The following DPP10 variants were observed in gnomAD, a reference collection of about 807,000 sequenced individuals.
DPP10 encodes the protein dipeptidyl peptidase like 10.
DPP10 carries 33 observed loss-of-function variants against 120.9 expected under a neutral mutation model. The ratio of observed to expected loss-of-function variants is 0.27; its 90% CI spans 0.21 to 0.37. The LOEUF is 0.37. Among genes scored for constraint, DPP10 ranks in the 10% least tolerant of loss-of-function variants. The probability of loss-of-function intolerance (pLI) is 1.00; values close to 1 mark genes in which losing one functional copy is unlikely to be tolerated. For synonymous variants in DPP10, 337 were observed against 326.1 expected (o/e 1.03, Z -0.36); for missense variants, 816 against 942.8 (o/e 0.87, Z 1.76).
intron 2 of DPP10, among the ~76,000 whole-genome samples, chr2:115,317,473 G>T (rs2061849876): frequency 6.6e-6 from 1 of 151,916 alleles, no homozygotes; most frequent in African/African-American, 2.4e-5. Context: ...TAGTGTTTGG[G>T]GTTATATACC....
intron 1 of DPP10, among the ~76,000 whole-genome samples, chr2:114,594,968 G>A (rs10186175): frequency 0.041 from 6,235 of 151,936 alleles, 434 homozygotes; most frequent in African/African-American, 0.14. Flanking sequence ...CTTCCTGCAT[G>A]TTCTCTCCTT....
At chr2:114,465,832 T>G (rs1051596908) in intron 1 of DPP10, among the ~76,000 whole-genome samples, 1 of 152,236 alleles carries the variant, frequency 6.6e-6, no homozygotes, top group African/African-American at 2.4e-5. Flanking sequence ...CATTTGCCAT[T>G]TCTTTGAGTT....
intron 1 of DPP10, among the ~76,000 whole-genome samples, chr2:115,085,286 T>A (rs1708598592): frequency 6.6e-6 from 1 of 152,206 alleles, no homozygotes. Flanking sequence ...TTCTTCTTTC[T>A]GTCCCACCTC....
intron 1 of DPP10, among the ~76,000 whole-genome samples, chr2:115,302,218 G>T (rs565991631): frequency 1.3e-5 from 2 of 151,654 alleles, no homozygotes; most frequent in South Asian, 4.2e-4. Context: ...TCTGCCCCCC[G>T]TCATCCACCA....
intron 19 of DPP10, among the ~76,000 whole-genome samples, chr2:115,808,685 T>A (rs1575845384): frequency 6.6e-6 from 1 of 152,312 alleles, no homozygotes; most frequent in East Asian, 1.9e-4. Context: ...CTTTTCACAG[T>A]GACATGCTTA....
At chr2:115,167,478 AC>A (rs2052977375) in intron 1 of DPP10, among the ~76,000 whole-genome samples, 1 of 151,676 alleles carries the variant, frequency 6.6e-6, no homozygotes, top group Admixed American at 6.6e-5. Flanking sequence ...TTAGTGACAT[AC>A]TCCTGTGGTC....
In DPP10 at chr2:115,280,088, T is replaced by C. The variant is rs1443034003; in HGVS notation, c.61-29151T>C. ...TAGAAGGGTAAATAGTTAACAAGAT[T>C]CTGAATTTGGACTTGTGATTTTTGA... is the stretch of plus-strand genomic sequence containing the variant. On this transcript the variant is annotated intron_variant, in intron 1 of 25. Transcript: ENST00000410059. Among the ~76,000 whole-genome samples, 3 of 152,288 alleles carry C rather than the reference T, an allele frequency of 2.0e-5. No individual in the cohort carries two copies. In the East Asian group the frequency reaches 5.8e-4, roughly 29 times the overall value.
At chr2:115,421,552 A>G (rs533029588) in intron 3 of DPP10, among the ~76,000 whole-genome samples, 118 of 152,218 alleles carry the variant, frequency 7.8e-4, no homozygotes, top group Middle Eastern at 6.8e-3. Context: ...GACTAAATGA[A>G]ATATAAATTC....
intron 1 of DPP10, among the ~76,000 whole-genome samples, chr2:115,160,941 T>C (rs1391006417): frequency 1.3e-5 from 2 of 152,032 alleles, no homozygotes; most frequent in Non-Finnish European, 2.9e-5. Context: ...AGGTGCTCGG[T>C]AAACCTACTT....
intron 1 of DPP10, among the ~76,000 whole-genome samples, chr2:115,113,510 G>C (rs2104694382): frequency 6.6e-6 from 1 of 152,182 alleles, no homozygotes; most frequent in African/African-American, 2.4e-5. Flanking sequence ...AATCTGATTA[G>C]TGTGAAGTCA....
intron 5 of DPP10, among the ~76,000 whole-genome samples, chr2:115,668,476 C>T (rs1054090666): frequency 3.3e-5 from 5 of 152,114 alleles, no homozygotes; most frequent in African/African-American, 4.8e-5. Context: ...TTGAATTTCC[C>T]AGACCCCAGG....
At chr2:114,925,209 T>C (rs1362910784) in intron 1 of DPP10, among the ~76,000 whole-genome samples, 1 of 28,766 alleles carries the variant, frequency 3.5e-5, no homozygotes, top group Admixed American at 4.9e-4. Context: ...AGACTCTGTC[T>C]CAAAAAAAAA....
At position 114,921,937 on chromosome 2, in the gene DPP10, G is replaced by A. The variant is rs146766190; in HGVS notation, c.61-387302G>A. Among the ~76,000 whole-genome samples, 941 of 152,260 alleles carry A rather than the reference G, an allele frequency of 6.2e-3. 7 individuals carry two copies. The highest frequency in any genetic ancestry group is 0.021 in the African/African-American group (879 of 41,540). On this transcript the variant is annotated intron_variant, in intron 1 of 25. Transcript: ENST00000410059. ...TAAACTTTTATTGATTATTTTCTGA[G>A]CCACCTACTCTACTACTTTTTGAGG...
intron 5 of DPP10, among the ~76,000 whole-genome samples, chr2:115,565,975 C>T (rs936770247): frequency 2.0e-5 from 3 of 151,652 alleles, no homozygotes; most frequent in Non-Finnish European, 2.9e-5. Context: ...TTGGTAGAGA[C>T]GGGGTTTCAC....
intron 1 of DPP10, among the ~76,000 whole-genome samples, chr2:114,465,302 T>C (rs1218133899): frequency 6.6e-6 from 1 of 152,224 alleles, no homozygotes; most frequent in Non-Finnish European, 1.5e-5. Flanking sequence ...TAAATGTTAG[T>C]GCTTACTTGC....
chr2:115,658,161 A>T (rs2088567349), intron 5 of DPP10, among the ~76,000 whole-genome samples: 1 of 152,160 alleles, frequency 6.6e-6, no homozygotes, highest in Non-Finnish European at 1.5e-5. Flanking sequence ...TCAGTCATTT[A>T]TCTCTATTCC....
chr2:115,550,164 C>T (rs575298917), intron 5 of DPP10, among the ~76,000 whole-genome samples: 4 of 152,202 alleles, frequency 2.6e-5, no homozygotes, highest in South Asian at 4.1e-4. Flanking sequence ...AAATCCACTA[C>T]GGTCAGTAAT....
chr2:115,610,177 A>G (rs2083993394), intron 5 of DPP10, among the ~76,000 whole-genome samples: 1 of 152,114 alleles, frequency 6.6e-6, no homozygotes, highest in East Asian at 1.9e-4. Flanking sequence ...ACTCAGTCAC[A>G]TGGATGGCAA....
chr2:114,764,730 A>G (rs1208471654), intron 1 of DPP10, among the ~76,000 whole-genome samples: 1 of 152,208 alleles, frequency 6.6e-6, no homozygotes, highest in Non-Finnish European at 1.5e-5. Flanking sequence ...TGATGTGTTA[A>G]GAAAGAAAGA....
Sources: allele counts gnomAD v4.1 joint callset (sites outside exome capture counted in the v4.1 genomes callset), GRCh38; gene constraint gnomAD v4.1.1; transcripts MANE v1.5; gene names NCBI Gene and HGNC (gene_info 2026-07-23, HGNC 2026-07-21).